The following SLC30A6 variants were observed in gnomAD, a reference collection of about 807,000 sequenced individuals.
SLC30A6 encodes the protein zinc transporter 6.
Under a neutral mutation model 63.0 loss-of-function variants are expected in SLC30A6, and 55 were observed. The observed-to-expected ratio is 0.87, with a 90% CI of 0.70 to 1.09. SLC30A6 has a LOEUF of 1.09. SLC30A6 is among the 50% of genes least tolerant of loss of function. The pLI is 0.00. For synonymous variants in SLC30A6, 224 were observed against 186.1 expected, an observed-to-expected ratio of 1.20 and a Z score of -1.66; for missense variants, 587 against 549.2, an observed-to-expected ratio of 1.07 and a Z score of -0.69.
At chr2:32,188,034 C>T (rs1558391522) in intron 5 of SLC30A6, among the ~76,000 whole-genome samples, 1 of 152,310 alleles carries the variant, frequency 6.6e-6, no homozygotes, top group East Asian at 1.9e-4. Flanking sequence ...AAAATCCTAA[C>T]TCCTTTTTCT....
At chr2:32,210,557 T>C (rs1229214732) in intron 13 of SLC30A6, among the ~76,000 whole-genome samples, 2 of 149,736 alleles carry the variant, frequency 1.3e-5, no homozygotes, top group African/African-American at 4.9e-5. Context: ...AATGAGATCA[T>C]GCTGTTTTAT....
At position 32,203,825 on chromosome 2, in the gene SLC30A6, C is replaced by T. The variant is rs547460378; in HGVS notation, c.666-765C>T. 1.9e-4 allele frequency: 269 copies of T among 1,428,962 alleles called. 3 individuals are homozygous for T. In the African/African-American group the frequency reaches 3.6e-3, roughly 19 times the overall value. 88.5% of individuals were successfully genotyped at this position (1,428,962 alleles called of 1,614,324 possible). ...TATGATAGAAACACATCTTCTAATT[C>T]CAGACAGAGGAGTGGTTGGTCAAGT... On this transcript the variant is annotated intron_variant, in intron 10 of 13. Coordinates refer to ENST00000282587, the MANE Select transcript of SLC30A6 (RefSeq NM_017964.5).
In SLC30A6 at chr2:32,175,486, A is replaced by G. The variant is rs984017626; in HGVS notation, c.218+125A>G. The G allele has an allele frequency of 1.1e-5, 9 of 807,136 alleles. No individual in the cohort carries two copies. In the African/African-American group the frequency reaches 1.4e-4, roughly 12 times the overall value. The allele number at this position is 807,136 out of a possible 1,614,324, so 50.0% of individuals were successfully genotyped here. A position where few individuals can be genotyped will look rare whatever the true frequency, so the allele number is the denominator to read the frequency against. ...TATCTTACAAGAAAACAATAAAAAC[A>G]TTATGCTTTGAAGACAGTCATAAAG... On this transcript the variant is annotated intron_variant, in intron 4 of 13. Coordinates refer to ENST00000282587, the MANE Select transcript of SLC30A6 (RefSeq NM_017964.5).
rs546312421 is a variant in SLC30A6, at chr2:32,200,069, G to T, written c.665+2243G>T. 6.0e-5 allele frequency among the ~76,000 whole-genome samples: 9 copies of T among 151,088 alleles called. No individual in the cohort carries two copies. The South Asian group carries it at 1.9e-3, about 32-fold the overall frequency. On this transcript the variant is annotated intron_variant, in intron 10 of 13. Transcript: ENST00000282587. ...AGTGGAGGAGGTTATATATATATGA[G>T]ACATATATACACACACACACACACA... is the stretch of plus-strand genomic sequence containing the variant.
At chr2:32,218,759 G>A (rs1685919856) in intron 13 of SLC30A6, among the ~76,000 whole-genome samples, 2 of 152,162 alleles carry the variant, frequency 1.3e-5, no homozygotes, top group East Asian at 3.9e-4. Flanking sequence ...ATTTCGCCAT[G>A]TTGGCCAGGC....
chr2:32,175,449 A>G (rs1432142603), intron 4 of SLC30A6, 88 bp downstream of exon 4: 5 of 1,082,980 alleles, frequency 4.6e-6, no homozygotes, highest in Admixed American at 2.2e-5. Flanking sequence ...CAATAAAAAC[A>G]GCAACTACTG....
chr2:32,168,696 C>T (rs1176656864), intron 1 of SLC30A6, among the ~76,000 whole-genome samples: 1 of 152,076 alleles, frequency 6.6e-6, no homozygotes, highest in Non-Finnish European at 1.5e-5. Context: ...TGAATAAGAG[C>T]TTGGGTTAGA....
chr2:32,203,723 A>T (rs2148880753), intron 10 of SLC30A6: 1 of 1,529,304 alleles, frequency 6.5e-7, no homozygotes. Flanking sequence ...ACTAAGTCAG[A>T]AAGGTTACAG....
chr2:32,209,387 G>T (rs1283673454), intron 12 of SLC30A6, 106 bp from the exon 13 acceptor site: 9 of 793,914 alleles, frequency 1.1e-5, no homozygotes, highest in Non-Finnish European at 1.8e-5. Flanking sequence ...CCTTGTGCAG[G>T]ATTTGGCTGT....
intron 10 of SLC30A6, chr2:32,202,689 G>A: frequency 1.5e-6 from 1 of 659,230 alleles, no homozygotes. Context: ...TCAAATGTTA[G>A]AGTTAGGTTT....
At chr2:32,197,416 A>T in intron 9 of SLC30A6, 24 bp downstream of exon 9, 1 of 1,598,482 alleles carries the variant, frequency 6.3e-7, no homozygotes, top group Non-Finnish European at 8.6e-7. Context: ...GAGTTTCATG[A>T]TATGCATAAT....
intron 11 of SLC30A6, among the ~76,000 whole-genome samples, chr2:32,205,188 A>G (rs1052783370): frequency 1.3e-5 from 2 of 152,146 alleles, no homozygotes; most frequent in African/African-American, 4.8e-5. Flanking sequence ...TGGGAGGCCA[A>G]GGCGGGCAGA....
In SLC30A6 at chr2:32,193,880, T is replaced by C. The variant is rs1683552502; in HGVS notation, c.402-9T>C. The C allele has an allele frequency of 1.2e-6, 2 of 1,607,048 alleles. No homozygotes were observed. The highest frequency in any genetic ancestry group is 1.7e-6 in the Non-Finnish European group (2 of 1,174,530). On this transcript the variant is annotated splice_polypyrimidine_tract_variant and intron_variant, in intron 7 of 13. Transcript: ENST00000282587. ...AATTAAAGGTGAATGTTATCGTTGT[T>C]CTTTTTAGGGGAAGATTATTAGTTG... is the stretch of plus-strand genomic sequence containing the variant.
chr2:32,201,792 G>A (rs1684316275), intron 10 of SLC30A6: 1 of 1,363,776 alleles, frequency 7.3e-7, no homozygotes, highest in Non-Finnish European at 1.0e-6. Flanking sequence ...ACATTACACA[G>A]TGCTGGAGTG....
chr2:32,175,878 C>T (rs1681694745), intron 4 of SLC30A6, among the ~76,000 whole-genome samples: 1 of 152,122 alleles, frequency 6.6e-6, no homozygotes, highest in Non-Finnish European at 1.5e-5. Context: ...GAGGGTGAGG[C>T]ATAAGACTTG....
intron 4 of SLC30A6, among the ~76,000 whole-genome samples, chr2:32,180,421 A>T (rs1159025923): frequency 1.3e-5 from 2 of 151,920 alleles, no homozygotes; most frequent in Non-Finnish European, 2.9e-5. Flanking sequence ...AAAAAAAAAA[A>T]AAAAGGATTT....
At chr2:32,168,301 C>T (rs1266356988) in intron 1 of SLC30A6, among the ~76,000 whole-genome samples, 1 of 151,428 alleles carries the variant, frequency 6.6e-6, no homozygotes, top group Admixed American at 6.6e-5. Context: ...ATTAGTCATG[C>T]AGGGAAACAG....
In SLC30A6 at chr2:32,171,391, C is replaced by T. The variant is rs200625427; in HGVS notation, c.90+18C>T. 2.2e-5 allele frequency: 35 copies of T among 1,591,622 alleles called. No individual in the cohort carries two copies. In the East Asian group the frequency reaches 6.9e-4, roughly 32 times the overall value. ...ACCGAAGGGTAAGTTATTCCTTAAC[C>T]CCAATTTTAATTATTGCACAAACAA... On this transcript the variant is annotated intron_variant, in intron 2 of 13. Coordinates refer to ENST00000282587, the MANE Select transcript of SLC30A6 (RefSeq NM_017964.5).
chr2:32,174,548 ATTTTTTT>A (rs11432136), intron 3 of SLC30A6, among the ~76,000 whole-genome samples: 1 of 92,260 alleles, frequency 1.1e-5, no homozygotes, highest in Non-Finnish European at 1.9e-5. Context: ...CTATCTGGAG[ATTTTTTT>A]TTTTTTTTTT....
Sources: allele counts gnomAD v4.1 joint callset (sites outside exome capture counted in the v4.1 genomes callset), GRCh38; gene constraint gnomAD v4.1.1; transcripts MANE v1.5; gene names NCBI Gene and HGNC (gene_info 2026-07-23, HGNC 2026-07-21).